The following ACTR3C variants were observed in gnomAD, a reference collection of about 807,000 sequenced individuals.
The protein encoded by ACTR3C is actin related protein 3C.
A neutral mutation model predicts 26.3 loss-of-function variants in ACTR3C; 18 were observed. The ratio of observed to expected loss-of-function variants is 0.68; its 90% CI spans 0.47 to 1.01. The LOEUF (loss-of-function observed/expected upper bound fraction) is 1.01, where lower values mean the gene tolerates loss of function less well. ACTR3C is among the 50% of genes least tolerant of loss of function. ACTR3C has a pLI of 0.00. For synonymous variants in ACTR3C, 55 were observed against 94.5 expected (o/e 0.58, Z 2.42); for missense variants, 184 against 250.7 (o/e 0.73, Z 1.80).
the ACTR3C span, among the ~76,000 whole-genome samples, chr7:149,903,865 C>CTTTGTT: frequency 5.3e-4 from 27 of 50,598 alleles, 2 homozygotes; most frequent in African/African-American, 7.0e-4. Flanking sequence ...AGTGTAAGGG[C>CTTTGTT]GTTGTTGTTG....
chr7:150,121,879 A>T, the ACTR3C span, among the ~76,000 whole-genome samples: 3 of 152,334 alleles, frequency 2.0e-5, no homozygotes, highest in South Asian at 6.2e-4. Context: ...AGCAAAACAG[A>T]TATATCAACC....
chr7:150,108,473 G>T, the ACTR3C span, among the ~76,000 whole-genome samples: 1 of 151,656 alleles, frequency 6.6e-6, no homozygotes. Context: ...GCAAAGTAGA[G>T]GTGGCCTTAT....
At chr7:150,193,991 GACACACACACAC>G in the ACTR3C span, among the ~76,000 whole-genome samples, 251 of 131,976 alleles carry the variant, frequency 1.9e-3, 2 homozygotes, top group African/African-American at 6.2e-3. Flanking sequence ...TACACACACA[GACACACACACAC>G]ACACACACAC....
At chr7:149,968,448 G>A in the ACTR3C span, among the ~76,000 whole-genome samples, 2 of 152,206 alleles carry the variant, frequency 1.3e-5, no homozygotes, top group Non-Finnish European at 2.9e-5. Flanking sequence ...CAGGAGAATG[G>A]CGTGAACCCA....
chr7:150,094,560 C>T, the ACTR3C span, among the ~76,000 whole-genome samples: 1 of 150,534 alleles, frequency 6.6e-6, no homozygotes, highest in Admixed American at 6.6e-5. Flanking sequence ...TACCTGTCAG[C>T]ACCCCTTGGC....
chr7:150,121,906 G>A, the ACTR3C span, among the ~76,000 whole-genome samples: 2 of 152,066 alleles, frequency 1.3e-5, no homozygotes, highest in African/African-American at 4.8e-5. Flanking sequence ...GCAGAACAGA[G>A]GCCTCAGAAG....
the ACTR3C span, among the ~76,000 whole-genome samples, chr7:150,066,964 G>T: frequency 6.6e-6 from 1 of 152,208 alleles, no homozygotes; most frequent in East Asian, 1.9e-4. Flanking sequence ...TGATTGTGAA[G>T]GGTCCTCTTC....
At chr7:149,992,607 G>T in the ACTR3C span, among the ~76,000 whole-genome samples, 1 of 152,200 alleles carries the variant, frequency 6.6e-6, no homozygotes, top group Non-Finnish European at 1.5e-5. Context: ...GCATCTCCAC[G>T]TGGAGGAGAC....
chr7:150,022,541 T>G, the ACTR3C span, among the ~76,000 whole-genome samples: 1 of 152,048 alleles, frequency 6.6e-6, no homozygotes, highest in Non-Finnish European at 1.5e-5. Context: ...GCCCTGGTTC[T>G]TGACACTCCC....
At chr7:149,932,118 G>T in the ACTR3C span, among the ~76,000 whole-genome samples, 1 of 152,214 alleles carries the variant, frequency 6.6e-6, no homozygotes, top group East Asian at 1.9e-4. Context: ...GATGAACAGT[G>T]TGACAGGTGC....
the ACTR3C span, among the ~76,000 whole-genome samples, chr7:150,147,616 T>C: frequency 0.013 from 1,972 of 152,208 alleles, 37 homozygotes; most frequent in African/African-American, 0.045. Flanking sequence ...ACGACATTTA[T>C]TTCTGTGACT....
the ACTR3C span, among the ~76,000 whole-genome samples, chr7:150,039,876 G>C: frequency 0.013 from 1,391 of 107,456 alleles, 11 homozygotes; most frequent in Non-Finnish European, 0.019. Flanking sequence ...AGAGGGGCTC[G>C]CTCTCAGTCC....
At chr7:150,121,814 T>C in the ACTR3C span, among the ~76,000 whole-genome samples, 3 of 152,106 alleles carry the variant, frequency 2.0e-5, no homozygotes, top group Non-Finnish European at 2.9e-5. Context: ...GGAGGCATCA[T>C]GCTACCTGAC....
chr7:150,042,077 G>C, the ACTR3C span, among the ~76,000 whole-genome samples: 1 of 92,426 alleles, frequency 1.1e-5, no homozygotes, highest in African/African-American at 3.7e-5. Flanking sequence ...TGAGGGTCTG[G>C]CTCTCAGTCC....
chr7:150,306,051 G>T (rs567579721), intron 1 of ACTR3C, among the ~76,000 whole-genome samples: 2 of 152,264 alleles, frequency 1.3e-5, no homozygotes. Flanking sequence ...ACATGCAACA[G>T]AATGACTTGC....
At chr7:150,313,459 A>T (rs1796506063) in intron 1 of ACTR3C, among the ~76,000 whole-genome samples, 1 of 152,254 alleles carries the variant, frequency 6.6e-6, no homozygotes, top group African/African-American at 2.4e-5. Context: ...GTGGAGACCA[A>T]GGTTTTATCA....
the ACTR3C span, among the ~76,000 whole-genome samples, chr7:149,927,212 G>T: frequency 1.3e-5 from 2 of 151,952 alleles, no homozygotes; most frequent in African/African-American, 4.8e-5. Context: ...CAAAAATGGG[G>T]ACCATGATGG....
the ACTR3C span, among the ~76,000 whole-genome samples, chr7:149,994,212 C>G: frequency 2.0e-5 from 3 of 152,138 alleles, no homozygotes; most frequent in Non-Finnish European, 4.4e-5. Flanking sequence ...GCCGAGGAGA[C>G]AACTTGAGAA....
chr7:150,310,032 C>T (rs1796164310), intron 1 of ACTR3C, among the ~76,000 whole-genome samples: 1 of 152,154 alleles, frequency 6.6e-6, no homozygotes, highest in Non-Finnish European at 1.5e-5. Context: ...TCTTAAAATT[C>T]CCCCACTCTG....
Sources: allele counts gnomAD v4.1 joint callset (sites outside exome capture counted in the v4.1 genomes callset), GRCh38; gene constraint gnomAD v4.1.1; transcripts MANE v1.5; gene names NCBI Gene and HGNC (gene_info 2026-07-23, HGNC 2026-07-21).